STK17B: variants seen among roughly 807,000 people sequenced by gnomAD.
The protein encoded by STK17B is serine/threonine kinase 17b.
A neutral mutation model predicts 42.0 loss-of-function variants in STK17B; 21 were observed. The observed-to-expected ratio is 0.50, with a 90% CI of 0.35 to 0.72. The LOEUF is 0.72. Ranked by LOEUF, STK17B falls within the 30% of genes least tolerant of loss-of-function variation. STK17B has a pLI of 0.00. For missense variants in STK17B, 349 were observed against 446.0 expected (o/e 0.78, Z 1.96); for synonymous variants, 143 against 148.4 (o/e 0.96, Z 0.26).
chr2:196,158,560 G>A (rs1699769021), intron 2 of STK17B, among the ~76,000 whole-genome samples: 1 of 151,992 alleles, frequency 6.6e-6, no homozygotes. Flanking sequence ...TCAATCCACT[G>A]GTGTTTCATA....
intron 1 of STK17B, chr2:196,165,790 G>A (rs1483670639): frequency 6.6e-6 from 1 of 152,226 alleles, no homozygotes; most frequent in African/African-American, 2.4e-5. Context: ...CACAGGTACA[G>A]TGCAAGTCAC....
chr2:196,155,551 T>C (rs1229337910), intron 3 of STK17B, among the ~76,000 whole-genome samples: 2 of 152,094 alleles, frequency 1.3e-5, no homozygotes, highest in Non-Finnish European at 2.9e-5. Context: ...AGAATTACTA[T>C]AGTTAGCAAT....
chr2:196,173,242 G>A (rs1038600868), upstream of STK17B, among the ~76,000 whole-genome samples: 43 of 152,084 alleles, frequency 2.8e-4, no homozygotes, highest in African/African-American at 1.0e-3. Context: ...TCCTGCTTCT[G>A]CCTTAGCTCC....
intron 1 of STK17B, among the ~76,000 whole-genome samples, chr2:196,166,787 C>T (rs1412802825): frequency 6.6e-6 from 1 of 152,164 alleles, no homozygotes; most frequent in Non-Finnish European, 1.5e-5. Flanking sequence ...AAAAGCAAGA[C>T]TATCTCTATA....
intron 1 of STK17B, among the ~76,000 whole-genome samples, chr2:196,169,483 ACTT>A (rs1444720986): frequency 1.3e-5 from 2 of 152,180 alleles, no homozygotes; most frequent in African/African-American, 4.8e-5. Flanking sequence ...GAATTCCTTG[ACTT>A]CTTGTGTCTC....
In STK17B at chr2:196,146,456, A is replaced by G. The variant is rs369544111; in HGVS notation, c.336-401T>C. Among the ~76,000 whole-genome samples the G allele has an allele frequency of 3.3e-5, 5 of 152,300 alleles. No individual in the cohort carries two copies. In the East Asian group the frequency reaches 5.8e-4, roughly 18 times the overall value. On this transcript the variant is annotated intron_variant, in intron 3 of 7. Transcript: ENST00000263955. ...GAGGCAAAGGTTGCAGTGAGCCGAG[A>G]TGGCACCACTGCATTCCAGCCTGAG...
chr2:196,152,546 A>G (rs7595333), intron 3 of STK17B, among the ~76,000 whole-genome samples: 2,718 of 152,340 alleles, frequency 0.018, 70 homozygotes, highest in African/African-American at 0.061. Context: ...CATCTCCATA[A>G]TAATTCCCAT....
chr2:196,173,929 G>C (rs539393513), upstream of STK17B, among the ~76,000 whole-genome samples: 13 of 152,084 alleles, frequency 8.5e-5, no homozygotes, highest in East Asian at 2.3e-3. Flanking sequence ...TAATATGAGT[G>C]GCCCCTGATC....
Position 196,137,396 on chromosome 2 carries a change from G to T in STK17B, c.*51C>A, listed in dbSNP as rs189498536. The T allele has an allele frequency of 5.3e-5, 82 of 1,555,362 alleles. No homozygotes were observed. Among genetic ancestry groups the T allele is most frequent in the Non-Finnish European group, 6.6e-5 (75 of 1,143,454 alleles). On this transcript the variant is annotated 3_prime_UTR_variant, in exon 8 of 8. Coordinates refer to ENST00000263955, the MANE Select transcript of STK17B (RefSeq NM_004226.4). ...GAAGCTACAAATCATAATCTCACTG[G>T]AGTGGATATAAAATTTCAAATTCAG...
At chr2:196,141,514 C>A (rs574818669) in intron 5 of STK17B, among the ~76,000 whole-genome samples, 1 of 152,230 alleles carries the variant, frequency 6.6e-6, no homozygotes, top group East Asian at 1.9e-4. Context: ...CAAAAATTAG[C>A]CAGGTGTGAT....
At chr2:196,141,944 T>G (rs6713507) in intron 5 of STK17B, among the ~76,000 whole-genome samples, 1 of 151,840 alleles carries the variant, frequency 6.6e-6, no homozygotes, top group African/African-American at 2.4e-5. Flanking sequence ...TTTTATTACT[T>G]TAGAATTAAT....
chr2:196,134,904 A>T lies in STK17B; in HGVS notation c.*2543T>A, dbSNP rs536999415. 6.6e-5 allele frequency: 10 copies of T among 152,340 alleles called. No homozygotes were observed. In the East Asian group the frequency reaches 1.9e-3, roughly 29 times the overall value. 9.4% of individuals were successfully genotyped at this position (152,340 alleles called of 1,614,324 possible). A position where few individuals can be genotyped will look rare whatever the true frequency, so the allele number is the denominator to read the frequency against. ...AGAGTAAGAATTGAATCATTTGCTA[A>T]AAAGCTCTTAAATGATTGGTCTATT... is the stretch of plus-strand genomic sequence containing the variant. On this transcript the variant is annotated 3_prime_UTR_variant, in exon 8 of 8. Coordinates refer to ENST00000263955, the MANE Select transcript of STK17B (RefSeq NM_004226.4).
intron 1 of STK17B, among the ~76,000 whole-genome samples, chr2:196,166,759 A>T (rs1699878647): frequency 6.6e-6 from 1 of 152,250 alleles, no homozygotes; most frequent in Non-Finnish European, 1.5e-5. Flanking sequence ...GAATGCAGAA[A>T]GCAAGTGTGA....
At chr2:196,147,416 C>T (rs895864938) in intron 3 of STK17B, among the ~76,000 whole-genome samples, 2 of 151,976 alleles carry the variant, frequency 1.3e-5, no homozygotes, top group Non-Finnish European at 1.5e-5. Context: ...GTCTCAGTGA[C>T]TGCCAAGAGG....
rs908139471 is a variant in STK17B, at chr2:196,134,885, A to T, written c.*2562T>A. 6 of 152,238 alleles carry T rather than the reference A, an allele frequency of 3.9e-5. No individual in the cohort carries two copies. The highest frequency in any genetic ancestry group is 8.8e-5 in the Non-Finnish European group (6 of 68,038). The allele number at this position is 152,238 out of a possible 1,614,324, so 9.4% of individuals were successfully genotyped here. ...TTTCAATCTTGGGAGAAAAAGAGTAAGAATTGAATCATTTGCTAAAAAGCT... is the reference window on the plus strand; with the variant it reads ...TTTCAATCTTGGGAGAAAAAGAGTATGAATTGAATCATTTGCTAAAAAGCT... On this transcript the variant is annotated 3_prime_UTR_variant, in exon 8 of 8. Coordinates refer to ENST00000263955, the MANE Select transcript of STK17B (RefSeq NM_004226.4).
intron 4 of STK17B, 134 bp from the exon 5 acceptor site, chr2:196,143,820 G>A: frequency 1.3e-6 from 1 of 763,668 alleles, no homozygotes; most frequent in Non-Finnish European, 1.8e-6. Flanking sequence ...AACATTTACT[G>A]ACTTACTACT....
intron 1 of STK17B, chr2:196,165,961 C>G (rs1699870390): frequency 6.6e-6 from 1 of 152,178 alleles, no homozygotes; most frequent in African/African-American, 2.4e-5. Context: ...TTTTTGTTTT[C>G]TGTTTTAACT....
At chr2:196,158,867 C>T (rs1211833868) in intron 2 of STK17B, among the ~76,000 whole-genome samples, 14 of 151,964 alleles carry the variant, frequency 9.2e-5, no homozygotes, top group African/African-American at 2.9e-4. Context: ...AAAAATTAGC[C>T]GGGCTTGGTG....
intron 1 of STK17B, among the ~76,000 whole-genome samples, chr2:196,169,251 T>G (rs1699908457): frequency 6.6e-6 from 1 of 152,014 alleles, no homozygotes; most frequent in Non-Finnish European, 1.5e-5. Flanking sequence ...AATTTTTGTA[T>G]TTTTAGTAGA....
Sources: gnomAD v4.1 joint callset for allele counts (sites outside exome capture counted in the v4.1 genomes callset) on GRCh38, gnomAD v4.1.1 for gene constraint, MANE v1.5 for transcripts, NCBI Gene and HGNC (gene_info 2026-07-23, HGNC 2026-07-21) for gene names.